The following ADK variants were observed in gnomAD, a reference collection of about 807,000 sequenced individuals.
ADK encodes N6,N6-dimethyladenosine kinase.
ADK carries 24 observed loss-of-function variants against 44.7 expected under a neutral mutation model. That is an observed-to-expected ratio of 0.54 (90% CI 0.39 to 0.76). The LOEUF is 0.76. Ranked by LOEUF, ADK falls within the 30% of genes least tolerant of loss-of-function variation. The probability of loss-of-function intolerance (pLI) is 0.00; values close to 1 mark genes in which losing one functional copy is unlikely to be tolerated. For missense variants in ADK, 321 were observed against 425.1 expected, an observed-to-expected ratio of 0.76 and a Z score of 2.15; for synonymous variants, 128 against 142.6, an observed-to-expected ratio of 0.90 and a Z score of 0.73.
chr10:74,205,747 A>G (rs1287645605), intron 2 of ADK, among the ~76,000 whole-genome samples: 1 of 152,028 alleles, frequency 6.6e-6, no homozygotes, highest in Non-Finnish European at 1.5e-5. Context: ...TAACAGTCTA[A>G]GAAAACTCCA....
At chr10:74,669,965 G>A (rs899476538) in intron 9 of ADK, among the ~76,000 whole-genome samples, 15 of 152,224 alleles carry the variant, frequency 9.9e-5, no homozygotes, top group African/African-American at 3.6e-4. Context: ...CTCATAAGAC[G>A]TATACAGCAG....
At position 74,708,959 on chromosome 10, in the gene ADK, C is replaced by G. The variant is rs569308220; in HGVS notation, c.*514C>G. On this transcript the variant is annotated 3_prime_UTR_variant, in exon 11 of 11. Transcript: ENST00000539909. The stretch of plus-strand genomic sequence containing the variant: ...GTCAAATAAGGTACAGAAATTTTAT[C>G]TTGTCAATTATGCCAAATAATCTCT... 1 of 155,680 alleles carries G rather than the reference C, an allele frequency of 6.4e-6. No individual in the cohort carries two copies. Among genetic ancestry groups the G allele is most frequent in the African/African-American group, 2.4e-5 (1 of 41,568 alleles). The allele number at this position is 155,680 out of a possible 1,614,324, so 9.6% of individuals were successfully genotyped here.
intron 6 of ADK, among the ~76,000 whole-genome samples, chr10:74,465,410 T>C (rs1166535848): frequency 2.0e-5 from 3 of 152,256 alleles, no homozygotes; most frequent in Non-Finnish European, 4.4e-5. Context: ...TTATAAAGAC[T>C]TTGTTGTTTT....
intron 5 of ADK, among the ~76,000 whole-genome samples, chr10:74,394,684 C>A (rs563548388): frequency 6.6e-6 from 1 of 151,648 alleles, no homozygotes; most frequent in Non-Finnish European, 1.5e-5. Flanking sequence ...GGTTGGAATA[C>A]GAGAGAGAGA....
intron 4 of ADK, among the ~76,000 whole-genome samples, chr10:74,363,239 G>T (rs1842394787): frequency 6.6e-6 from 1 of 152,180 alleles, no homozygotes; most frequent in South Asian, 2.1e-4. Context: ...TAGATGGAAT[G>T]ATTCCCTGAC....
At chr10:74,207,022 G>A (rs1843626540) in intron 2 of ADK, among the ~76,000 whole-genome samples, 1 of 152,188 alleles carries the variant, frequency 6.6e-6, no homozygotes, top group Admixed American at 6.5e-5. Context: ...AGAGTGGCGT[G>A]GCAAAGAGTG....
intron 10 of ADK, among the ~76,000 whole-genome samples, chr10:74,700,274 G>C (rs1216158491): frequency 6.6e-6 from 1 of 152,054 alleles, no homozygotes; most frequent in East Asian, 1.9e-4. Context: ...CAGGAGTCTC[G>C]CTCTGTCACC....
intron 3 of ADK, among the ~76,000 whole-genome samples, chr10:74,299,273 C>A (rs538940031): frequency 2.0e-5 from 3 of 150,248 alleles, no homozygotes; most frequent in Admixed American, 2.0e-4. Context: ...GTGGGCAGAT[C>A]ACTTGAGGTC....
intron 2 of ADK, among the ~76,000 whole-genome samples, chr10:74,215,046 G>C (rs933366508): frequency 6.6e-6 from 1 of 152,098 alleles, no homozygotes; most frequent in Non-Finnish European, 1.5e-5. Flanking sequence ...GCTAGAGGCA[G>C]AATAAAGAGG....
intron 9 of ADK, among the ~76,000 whole-genome samples, chr10:74,667,621 T>C (rs1469471181): frequency 6.6e-6 from 1 of 151,064 alleles, no homozygotes; most frequent in Non-Finnish European, 1.5e-5. Context: ...CAACCTCCAC[T>C]TCCTGGGTTT....
At chr10:74,279,596 T>A (rs2132439545) in intron 3 of ADK, among the ~76,000 whole-genome samples, 2 of 150,620 alleles carry the variant, frequency 1.3e-5, no homozygotes, top group Admixed American at 6.6e-5. Flanking sequence ...AAAAAAAAAA[T>A]TGAGTGCCTT....
chr10:74,502,187 C>A (rs552256034), intron 6 of ADK, among the ~76,000 whole-genome samples: 16 of 151,914 alleles, frequency 1.1e-4, no homozygotes, highest in Non-Finnish European at 2.4e-4. Flanking sequence ...GGATTTTTAG[C>A]CCAGTGATTT....
intron 6 of ADK, among the ~76,000 whole-genome samples, chr10:74,403,699 G>C (rs1345386725): frequency 6.6e-6 from 1 of 152,090 alleles, no homozygotes; most frequent in Admixed American, 6.5e-5. Context: ...CGCTTCCCAG[G>C]TGAAGCGATG....
At chr10:74,573,795 T>C (rs1024365778) in intron 7 of ADK, among the ~76,000 whole-genome samples, 3 of 152,204 alleles carry the variant, frequency 2.0e-5, no homozygotes, top group Admixed American at 6.5e-5. Context: ...TCCATGGGCG[T>C]AGGACCCTCC....
intron 2 of ADK, among the ~76,000 whole-genome samples, chr10:74,224,093 A>G (rs1317534195): frequency 3.9e-5 from 6 of 152,124 alleles, no homozygotes; most frequent in African/African-American, 1.4e-4. Flanking sequence ...ATAAACAAAC[A>G]AACAAAAAAC....
At chr10:74,556,432 T>G (rs531571610) in intron 7 of ADK, among the ~76,000 whole-genome samples, 16 of 152,344 alleles carry the variant, frequency 1.1e-4, no homozygotes, top group African/African-American at 3.8e-4. Flanking sequence ...CAGTAATATA[T>G]TTCAAGTCTC....
intron 4 of ADK, among the ~76,000 whole-genome samples, chr10:74,379,843 T>G (rs1842925864): frequency 6.6e-6 from 1 of 152,044 alleles, no homozygotes; most frequent in Non-Finnish European, 1.5e-5. Context: ...CTGGGCAACA[T>G]AGAGAGACCT....
chr10:74,266,845 A>C (rs1846232300), intron 3 of ADK, among the ~76,000 whole-genome samples: 1 of 152,246 alleles, frequency 6.6e-6, no homozygotes, highest in Non-Finnish European at 1.5e-5. Flanking sequence ...TATTGAAATT[A>C]TATAATCAGA....
intron 7 of ADK, among the ~76,000 whole-genome samples, chr10:74,532,361 C>A (rs1456695974): frequency 1.3e-5 from 2 of 151,828 alleles, no homozygotes; most frequent in Admixed American, 6.6e-5. Flanking sequence ...ACCTGTAATT[C>A]CAGCTACTTG....
Sources: allele counts gnomAD v4.1 joint callset (sites outside exome capture counted in the v4.1 genomes callset), GRCh38; gene constraint gnomAD v4.1.1; transcripts MANE v1.5; gene names NCBI Gene and HGNC (gene_info 2026-07-23, HGNC 2026-07-21).